The following VDAC1 variants were observed in gnomAD, a reference collection of about 807,000 sequenced individuals.
VDAC1 encodes voltage dependent anion channel 1.
Under a neutral mutation model 34.7 loss-of-function variants are expected in VDAC1, and 10 were observed. The observed-to-expected ratio is 0.29, with a 90% CI of 0.18 to 0.49. The LOEUF (loss-of-function observed/expected upper bound fraction) is 0.49, where lower values mean the gene tolerates loss of function less well. Among genes scored for constraint, VDAC1 ranks in the 20% least tolerant of loss-of-function variants. The pLI is 0.99. For synonymous variants in VDAC1, 130 were observed against 136.0 expected (o/e 0.96, Z 0.30); for missense variants, 230 against 347.9 (o/e 0.66, Z 2.69).
intron 1 of VDAC1, among the ~76,000 whole-genome samples, chr5:133,997,707 CAAAAAA>C (rs67591375): frequency 1.5e-4 from 9 of 58,358 alleles, no homozygotes; most frequent in African/African-American, 2.2e-4. Context: ...GACTGTCTCA[CAAAAAA>C]AAAAAAAAAA....
At chr5:134,003,014 C>T (rs981303264) in intron 1 of VDAC1, among the ~76,000 whole-genome samples, 1 of 151,674 alleles carries the variant, frequency 6.6e-6, no homozygotes, top group Non-Finnish European at 1.5e-5. Flanking sequence ...GGGCCTGCAG[C>T]CCTTCATATG....
At chr5:134,047,991 C>T in the VDAC1 span, among the ~76,000 whole-genome samples, 1 of 150,856 alleles carries the variant, frequency 6.6e-6, no homozygotes, top group Non-Finnish European at 1.5e-5. Context: ...TACACTCCAG[C>T]CTGGGCAACA....
In VDAC1 at chr5:133,984,181, A is replaced by G. The variant is rs1405663303; in HGVS notation, c.324-3225T>C. ...GGTGATCCTCCCACCTCAGCCTCCC[A>G]GGTAGCTAGAACTGACTATAGGTGC... is the stretch of plus-strand genomic sequence containing the variant. On this transcript the variant is annotated intron_variant, in intron 5 of 8. Coordinates refer to ENST00000265333, the MANE Select transcript of VDAC1 (RefSeq NM_003374.3). Among the ~76,000 whole-genome samples, 3 of 152,084 alleles carry G rather than the reference A, an allele frequency of 2.0e-5. No individual in the cohort carries two copies. In the East Asian group the frequency reaches 5.8e-4, roughly 29 times the overall value.
chr5:134,024,229 C>G, the VDAC1 span, among the ~76,000 whole-genome samples: 2 of 151,886 alleles, frequency 1.3e-5, no homozygotes, highest in African/African-American at 4.8e-5. Flanking sequence ...GGTGGATTGC[C>G]TGCAAAACTG....
At chr5:133,990,584 G>C (rs1027209548) in intron 5 of VDAC1, among the ~76,000 whole-genome samples, 6 of 152,184 alleles carry the variant, frequency 3.9e-5, no homozygotes, top group Non-Finnish European at 8.8e-5. Flanking sequence ...TCTCCAGATG[G>C]GCACAGGGCC....
the VDAC1 span, among the ~76,000 whole-genome samples, chr5:134,043,745 C>T: frequency 1.4e-4 from 21 of 152,086 alleles, no homozygotes; most frequent in African/African-American, 5.1e-4. Context: ...GTTGCCCAAG[C>T]TCATCTTGAA....
the VDAC1 span, among the ~76,000 whole-genome samples, chr5:134,052,494 C>T: frequency 1.3e-5 from 2 of 152,138 alleles, no homozygotes; most frequent in East Asian, 1.9e-4. Flanking sequence ...AAAGGTCTCT[C>T]CATGTTGTCC....
intron 1 of VDAC1, among the ~76,000 whole-genome samples, chr5:134,002,680 C>T (rs912813179): frequency 2.8e-4 from 43 of 152,146 alleles, no homozygotes; most frequent in African/African-American, 9.4e-4. Context: ...AAAGGATGTC[C>T]AGGACCGGGC....
Position 133,991,145 on chromosome 5 carries a change from T to C in VDAC1, c.127A>G (p.Ser43Gly), listed in dbSNP as rs1355877453. 3 of 1,611,092 alleles carry C rather than the reference T, an allele frequency of 1.9e-6. No individual in the cohort carries two copies. In the Admixed American group the frequency reaches 5.0e-5, roughly 27 times the overall value. The change falls in exon 4 of 9, where the codon AGC becomes GGC. Residue 43 changes from serine (S) to glycine (G), a missense_variant. Ser to Gly is a moderately conservative substitution (Grantham distance 56, BLOSUM62 0). Coordinates refer to ENST00000265333, the MANE Select transcript of VDAC1 (RefSeq NM_003374.3). ...TKSENGLEFT[S>G]SGSANTETTK... ...GTCTCAGTGTTGGCTGAGCCTGAGC[T>C]TGTAAATTCCTTCAAAGGAGAGAGA...
intron 1 of VDAC1, among the ~76,000 whole-genome samples, chr5:134,001,600 C>G (rs1328732200): frequency 1.3e-5 from 2 of 151,760 alleles, no homozygotes; most frequent in South Asian, 4.2e-4. Context: ...CGCCTGTAAT[C>G]CCGGCTACTC....
chr5:133,994,601 C>T (rs1296771716), intron 1 of VDAC1, among the ~76,000 whole-genome samples: 5 of 152,132 alleles, frequency 3.3e-5, no homozygotes, highest in Admixed American at 6.6e-5. Context: ...GGTGCATCCC[C>T]CCGGGATAGA....
chr5:133,997,125 G>A (rs1430824232), intron 1 of VDAC1, among the ~76,000 whole-genome samples: 3 of 152,172 alleles, frequency 2.0e-5, no homozygotes, highest in Non-Finnish European at 4.4e-5. Flanking sequence ...GTCAGTGAGG[G>A]TGTGGAAAAC....
chr5:134,096,042 C>T, the VDAC1 span, among the ~76,000 whole-genome samples: 3 of 152,210 alleles, frequency 2.0e-5, no homozygotes, highest in African/African-American at 4.8e-5. Flanking sequence ...CCCTTGAGAC[C>T]GATAAGCCAT....
the VDAC1 span, among the ~76,000 whole-genome samples, chr5:134,107,382 G>C: frequency 6.6e-6 from 1 of 152,196 alleles, no homozygotes; most frequent in Non-Finnish European, 1.5e-5. Flanking sequence ...ACTGCTAGAC[G>C]TGCTTCCTCA....
the VDAC1 span, among the ~76,000 whole-genome samples, chr5:134,054,267 T>G: frequency 8.5e-5 from 13 of 152,250 alleles, no homozygotes; most frequent in Admixed American, 3.3e-4. Flanking sequence ...AGGGCGGGGC[T>G]GCCCTGCTGG....
chr5:134,077,513 G>A, the VDAC1 span, among the ~76,000 whole-genome samples: 8 of 152,150 alleles, frequency 5.3e-5, no homozygotes, highest in Non-Finnish European at 1.0e-4. Flanking sequence ...ATGTGCATGG[G>A]ATCTGACCTT....
intron 1 of VDAC1, among the ~76,000 whole-genome samples, chr5:133,995,945 C>T (rs1411618704): frequency 1.3e-5 from 2 of 152,072 alleles, no homozygotes; most frequent in African/African-American, 4.8e-5. Context: ...ACTCCTTCCA[C>T]CCAGATCTGC....
chr5:134,012,003 C>T, the VDAC1 span, among the ~76,000 whole-genome samples: 1 of 150,814 alleles, frequency 6.6e-6, no homozygotes, highest in Non-Finnish European at 1.5e-5. Context: ...ATGACAGAAG[C>T]AGAGCAGGGC....
the VDAC1 span, among the ~76,000 whole-genome samples, chr5:134,015,002 A>C: frequency 6.6e-6 from 1 of 152,248 alleles, no homozygotes; most frequent in South Asian, 2.1e-4. Flanking sequence ...AATATGGTAC[A>C]TATATATGGC....
Sources: allele counts gnomAD v4.1 joint callset (sites outside exome capture counted in the v4.1 genomes callset), GRCh38; gene constraint gnomAD v4.1.1; transcripts MANE v1.5; gene names NCBI Gene and HGNC (gene_info 2026-07-23, HGNC 2026-07-21).